TMEM232: variants seen among roughly 807,000 people sequenced by gnomAD.
TMEM232 encodes transmembrane protein 232.
In TMEM232, 80 loss-of-function variants were observed where a neutral mutation model predicts 78.8. The ratio of observed to expected loss-of-function variants is 1.01; its 90% CI spans 0.85 to 1.22. The LOEUF is 1.22. TMEM232 is among the 50% of genes most tolerant of loss of function. The pLI is 0.00. For synonymous variants in TMEM232, 297 were observed against 254.3 expected (o/e 1.17, Z -1.60); for missense variants, 881 against 742.2 (o/e 1.19, Z -2.17).
At chr5:110,576,967 A>G (rs1424337058) in intron 10 of TMEM232, among the ~76,000 whole-genome samples, 1 of 152,070 alleles carries the variant, frequency 6.6e-6, no homozygotes, top group African/African-American at 2.4e-5. Context: ...TCCAGGACAC[A>G]CACACAAGCA....
intron 2 of TMEM232, among the ~76,000 whole-genome samples, chr5:110,653,456 T>C (rs1788608360): frequency 2.6e-5 from 4 of 152,184 alleles, no homozygotes; most frequent in Admixed American, 2.6e-4. Flanking sequence ...AAAAAGCTTC[T>C]TTGTGGAAAT....
chr5:110,683,868 G>A (rs1793065273), intron 1 of TMEM232, among the ~76,000 whole-genome samples: 1 of 151,970 alleles, frequency 6.6e-6, no homozygotes, highest in South Asian at 2.1e-4. Context: ...GATGGGTTTA[G>A]TCTCAGAAGA....
chr5:110,528,808 A>G lies in TMEM232; in HGVS notation c.1483T>C (p.Phe495Leu), dbSNP rs1470283673. The G allele has an allele frequency of 6.6e-7, 1 of 1,515,870 alleles. No homozygotes were observed. The highest frequency in any genetic ancestry group is 2.0e-5 in the Admixed American group (1 of 49,022). 93.9% of individuals were successfully genotyped at this position (1,515,870 alleles called of 1,614,324 possible). The change falls in exon 12 of 14, where the codon TTC becomes CTC. Residue 495 changes from phenylalanine to leucine, a missense_variant. Phe to Leu is a conservative substitution (Grantham distance 22). Transcript: ENST00000455884. The stretch of plus-strand genomic sequence containing the variant: ...GAAATATTTGTACTATATCTAGTGA[A>G]AGGATCAGTTGGGTCATTTAACTCA... ...QAELNDPTDP[F>L]TRYSTNISSN...
chr5:110,469,384 G>A (rs536249867), intron 12 of TMEM232, among the ~76,000 whole-genome samples: 1 of 152,278 alleles, frequency 6.6e-6, no homozygotes, highest in East Asian at 1.9e-4. Flanking sequence ...ACCAAATGCG[G>A]CCAAGCACCC....
At chr5:110,575,700 A>AACATG (rs1396750742) in intron 10 of TMEM232, among the ~76,000 whole-genome samples, 3 of 152,008 alleles carry the variant, frequency 2.0e-5, no homozygotes, top group Admixed American at 6.6e-5. Flanking sequence ...ACCAGGGAGC[A>AACATG]ACATGGAGCC....
At chr5:110,584,516 G>A (rs114167890) in intron 10 of TMEM232, among the ~76,000 whole-genome samples, 1,751 of 152,134 alleles carry the variant, frequency 0.012, 15 homozygotes, top group African/African-American at 0.02. Flanking sequence ...AGAGAATTGC[G>A]AATCAATGGG....
chr5:110,513,978 T>A (rs755656349), intron 12 of TMEM232: 1 of 169,860 alleles, frequency 5.9e-6, no homozygotes, highest in Non-Finnish European at 1.5e-5. Flanking sequence ...ACTCCCAATC[T>A]CTGGGCATTT....
At chr5:110,735,870 G>T (rs529767794) in intron 1 of TMEM232, among the ~76,000 whole-genome samples, 258 of 152,260 alleles carry the variant, frequency 1.7e-3, no homozygotes, top group African/African-American at 5.8e-3. Context: ...GATCTTAGAA[G>T]GGGATCCTCC....
chr5:110,517,528 C>T (rs1363621070), intron 12 of TMEM232, among the ~76,000 whole-genome samples: 2 of 152,192 alleles, frequency 1.3e-5, no homozygotes, highest in African/African-American at 4.8e-5. Context: ...AGCTGTAGCT[C>T]CATTCCACTC....
At chr5:110,627,911 T>C (rs1172172513) in intron 5 of TMEM232, 31 bp from the exon 6 acceptor site, 1 of 1,359,484 alleles carries the variant, frequency 7.4e-7, no homozygotes, top group Admixed American at 2.7e-5. Context: ...AATACATTTT[T>C]GTGTTGCATC....
chr5:110,653,227 T>A (rs1407534396), intron 2 of TMEM232, among the ~76,000 whole-genome samples: 2 of 151,996 alleles, frequency 1.3e-5, no homozygotes, highest in African/African-American at 2.4e-5. Flanking sequence ...TCTGTGGGAG[T>A]TTAGAAGCAG....
intron 1 of TMEM232, among the ~76,000 whole-genome samples, chr5:110,675,919 A>AT (rs1355865951): frequency 1.3e-5 from 2 of 151,912 alleles, no homozygotes; most frequent in Non-Finnish European, 2.9e-5. Flanking sequence ...AACATCCCCC[A>AT]TTTCTACCTC....
At chr5:110,704,609 T>C (rs182038996) in intron 1 of TMEM232, among the ~76,000 whole-genome samples, 5 of 152,186 alleles carry the variant, frequency 3.3e-5, no homozygotes, top group African/African-American at 9.6e-5. Flanking sequence ...ATCTAATTAA[T>C]ATGGAAGTAG....
chr5:110,612,365 G>A (rs1782416794), intron 8 of TMEM232, among the ~76,000 whole-genome samples: 1 of 152,148 alleles, frequency 6.6e-6, no homozygotes, highest in African/African-American at 2.4e-5. Context: ...GGGATCAAAG[G>A]ATCAATAAGA....
chr5:110,727,292 AG>A (rs1341850468), upstream of TMEM232, among the ~76,000 whole-genome samples: 1 of 152,190 alleles, frequency 6.6e-6, no homozygotes, highest in Non-Finnish European at 1.5e-5. Flanking sequence ...ACTATATGGA[AG>A]AATGGGGAAG....
intron 12 of TMEM232, among the ~76,000 whole-genome samples, chr5:110,498,982 T>C (rs1013709873): frequency 6.6e-6 from 1 of 152,132 alleles, no homozygotes; most frequent in Non-Finnish European, 1.5e-5. Context: ...TATGATATGA[T>C]ACAATAATAA....
chr5:110,621,861 C>A (rs1783795290), intron 7 of TMEM232, among the ~76,000 whole-genome samples: 1 of 152,108 alleles, frequency 6.6e-6, no homozygotes, highest in Non-Finnish European at 1.5e-5. Flanking sequence ...AGAAGCCCAC[C>A]TACAAAAGTG....
At chr5:110,695,120 A>G (rs1794614306) in intron 1 of TMEM232, among the ~76,000 whole-genome samples, 1 of 152,242 alleles carries the variant, frequency 6.6e-6, no homozygotes, top group African/African-American at 2.4e-5. Context: ...CCACAGTGCA[A>G]TCAAACTAGA....
chr5:110,608,788 A>G (rs1781819470), intron 8 of TMEM232, among the ~76,000 whole-genome samples: 1 of 152,102 alleles, frequency 6.6e-6, no homozygotes, highest in South Asian at 2.1e-4. Flanking sequence ...ATCAATGCAC[A>G]TAGAAAGGAA....
Sources: gnomAD v4.1 joint callset for allele counts (sites outside exome capture counted in the v4.1 genomes callset) on GRCh38, gnomAD v4.1.1 for gene constraint, MANE v1.5 for transcripts, NCBI Gene and HGNC (gene_info 2026-07-23, HGNC 2026-07-21) for gene names.